The following IL1RAPL1 variants were observed in gnomAD, a reference collection of about 807,000 sequenced individuals.
IL1RAPL1 encodes the protein interleukin-1 receptor accessory protein-like 1.
Under a neutral mutation model 48.4 loss-of-function variants are expected in IL1RAPL1, and 3 were observed. The observed-to-expected ratio is 0.06, with a 90% CI of 0.03 to 0.16. The LOEUF is 0.16. Among genes scored for constraint, IL1RAPL1 ranks in the 10% least tolerant of loss-of-function variants. The pLI is 1.00. For synonymous variants in IL1RAPL1, 185 were observed against 187.7 expected (o/e 0.99, Z 0.12); for missense variants, 349 against 530.6 (o/e 0.66, Z 3.36).
At chrX:28,678,562 TG>T (rs1371698537) in intron 1 of IL1RAPL1, among the ~76,000 whole-genome samples, 1 of 111,730 alleles carries the variant, frequency 9.0e-6, no homozygotes, top group Non-Finnish European at 1.9e-5. Flanking sequence ...ATTTATAAAT[TG>T]GTATTCTAAA....
chrX:28,759,714 T>A (rs1356578039), intron 1 of IL1RAPL1, among the ~76,000 whole-genome samples: 2 of 111,732 alleles, frequency 1.8e-5, no homozygotes, highest in African/African-American at 6.5e-5. Context: ...AATATCACCC[T>A]TTTGCAGCCC....
chrX:29,826,279 G>A (rs958213094), intron 6 of IL1RAPL1, among the ~76,000 whole-genome samples: 1 of 111,566 alleles, frequency 9.0e-6, no homozygotes, highest in African/African-American at 3.3e-5. Flanking sequence ...GGACTCAAGA[G>A]TGTAACAGAA....
At chrX:28,761,390 A>T (rs1201773603) in intron 1 of IL1RAPL1, among the ~76,000 whole-genome samples, 1 of 111,894 alleles carries the variant, frequency 8.9e-6, no homozygotes, top group African/African-American at 3.3e-5. Flanking sequence ...GTACATATAC[A>T]CTGTGGAATA....
At chrX:28,736,572 A>G (rs1935829116) in intron 1 of IL1RAPL1, among the ~76,000 whole-genome samples, 1 of 112,188 alleles carries the variant, frequency 8.9e-6, no homozygotes. Flanking sequence ...AAACATTAAA[A>G]TGACTTAGTT....
chrX:29,359,156 A>T (rs5927671), intron 3 of IL1RAPL1, among the ~76,000 whole-genome samples: 3 of 110,875 alleles, frequency 2.7e-5, no homozygotes, highest in Admixed American at 9.6e-5. Context: ...ATGTTCATTC[A>T]GATTTTTTCC....
intron 6 of IL1RAPL1, among the ~76,000 whole-genome samples, chrX:29,905,888 A>ATATCAAAGCAGCAGAT (rs1360110846): frequency 1.8e-5 from 2 of 111,619 alleles, no homozygotes; most frequent in Non-Finnish European, 3.8e-5. Context: ...TTCAAAGGAA[A>ATATCAAAGCAGCAGAT]TATCAAAGCA....
At chrX:28,636,402 T>C (rs1934465606) in intron 1 of IL1RAPL1, among the ~76,000 whole-genome samples, 1 of 112,291 alleles carries the variant, frequency 8.9e-6, no homozygotes, top group Non-Finnish European at 1.9e-5. Flanking sequence ...GTTATTTGGA[T>C]TTAAAGATAC....
intron 2 of IL1RAPL1, among the ~76,000 whole-genome samples, chrX:29,179,194 C>A (rs1326601257): frequency 3.6e-5 from 4 of 110,977 alleles, no homozygotes; most frequent in Non-Finnish European, 7.5e-5. Flanking sequence ...GGCAGTATGG[C>A]CATTTTCACG....
At chrX:28,714,598 G>A (rs1055078993) in intron 1 of IL1RAPL1, among the ~76,000 whole-genome samples, 4 of 112,087 alleles carry the variant, frequency 3.6e-5, no homozygotes, top group Admixed American at 1.9e-4. Flanking sequence ...CTGTGGTGAC[G>A]TTAGCTGGCA....
At chrX:28,677,283 TTG>T (rs1935009481) in intron 1 of IL1RAPL1, among the ~76,000 whole-genome samples, 1 of 111,878 alleles carries the variant, frequency 8.9e-6, no homozygotes, top group Non-Finnish European at 1.9e-5. Flanking sequence ...TTCTGTGTGT[TTG>T]TGTGTTATAT....
chrX:28,830,992 T>TTCTCTCTCTC (rs1160527555), intron 2 of IL1RAPL1, among the ~76,000 whole-genome samples: 176 of 15,879 alleles, frequency 0.011, 3 homozygotes, highest in East Asian at 0.013. Context: ...TGCCCAGGGT[T>TTCTCTCTCTC]TCTCTCTCTC....
intron 2 of IL1RAPL1, among the ~76,000 whole-genome samples, chrX:29,158,953 C>CCTCT (rs758260761): frequency 1.9e-5 from 1 of 53,386 alleles, no homozygotes; most frequent in African/African-American, 7.8e-5. Flanking sequence ...CCTCCCTCTC[C>CCTCT]CTCTCTCTCT....
chrX:28,589,407 C>A (rs1933884497), intron 1 of IL1RAPL1, among the ~76,000 whole-genome samples: 1 of 111,144 alleles, frequency 9.0e-6, no homozygotes, highest in African/African-American at 3.3e-5. Context: ...TCCTGTAAAC[C>A]TTGATCTCTA....
At chrX:29,853,573 G>A (rs1325087027) in intron 6 of IL1RAPL1, among the ~76,000 whole-genome samples, 1 of 110,681 alleles carries the variant, frequency 9.0e-6, no homozygotes, top group African/African-American at 3.3e-5. Context: ...ACTTTTATGG[G>A]TAACACTTGT....
At chrX:29,696,332 G>A (rs1001381389) in intron 6 of IL1RAPL1, among the ~76,000 whole-genome samples, 19 of 111,671 alleles carry the variant, frequency 1.7e-4, no homozygotes, top group East Asian at 5.6e-4. Flanking sequence ...GAGAATTGAC[G>A]TGCTGTAAGC....
In IL1RAPL1 at chrX:29,628,928, A is replaced by G. The variant is rs1018253178; in HGVS notation, c.704-39502A>G. ...CTCGAATTGGATTACTTTTAGGGCAATGCTCTTGGTTGTGCCTAGACTTGT... is the reference window on the plus strand; with the variant it reads ...CTCGAATTGGATTACTTTTAGGGCAGTGCTCTTGGTTGTGCCTAGACTTGT... On this transcript the variant is annotated intron_variant, in intron 5 of 10. Transcript: ENST00000378993. 3.3e-4 allele frequency among the ~76,000 whole-genome samples: 37 copies of G among 112,246 alleles called. 1 individual carries two copies. The highest frequency in any genetic ancestry group is 1.0e-3 in the African/African-American group (31 of 30,964).
At chrX:29,753,088 G>T (rs1289666658) in intron 6 of IL1RAPL1, among the ~76,000 whole-genome samples, 1 of 111,652 alleles carries the variant, frequency 9.0e-6, no homozygotes, top group Non-Finnish European at 1.9e-5. Context: ...AGGTAATTGC[G>T]GGTAGATTGG....
At chrX:29,203,722 A>AATATATATATATATATATAT (rs56950481) in intron 2 of IL1RAPL1, among the ~76,000 whole-genome samples, 5 of 78,410 alleles carry the variant, frequency 6.4e-5, no homozygotes, top group African/African-American at 2.2e-4. Flanking sequence ...TCCGTCTCAA[A>AATATATATATATATATATAT]ATATATATAT....
At chrX:29,060,769 A>T (rs760070800) in intron 2 of IL1RAPL1, among the ~76,000 whole-genome samples, 10 of 111,846 alleles carry the variant, frequency 8.9e-5, no homozygotes, top group African/African-American at 2.9e-4. Flanking sequence ...TTCAAATACA[A>T]AGTTCTATAG....
Sources: gnomAD v4.1 joint callset for allele counts (sites outside exome capture counted in the v4.1 genomes callset) on GRCh38, gnomAD v4.1.1 for gene constraint, MANE v1.5 for transcripts, NCBI Gene and HGNC (gene_info 2026-07-23, HGNC 2026-07-21) for gene names.